FIBCD1: variants seen among roughly 807,000 people sequenced by gnomAD.
The protein encoded by FIBCD1 is fibrinogen C domain containing 1, also known as fibrinogen C domain-containing protein 1.
A neutral mutation model predicts 45.1 loss-of-function variants in FIBCD1; 47 were observed. That is an observed-to-expected ratio of 1.04 (90% CI 0.82 to 1.33). FIBCD1 has a LOEUF of 1.33. Ranked by LOEUF, FIBCD1 falls within the 40% of genes most tolerant of loss-of-function variation. The pLI is 0.00. For synonymous variants in FIBCD1, 313 were observed against 308.1 expected (o/e 1.02, Z -0.17); for missense variants, 653 against 682.2 (o/e 0.96, Z 0.48).
At chr9:130,914,766 C>T (rs1324896256) in intron 4 of FIBCD1, among the ~76,000 whole-genome samples, 1 of 152,178 alleles carries the variant, frequency 6.6e-6, no homozygotes, top group Non-Finnish European at 1.5e-5. Flanking sequence ...CTGCCATTTA[C>T]GTAACTCGCC....
chr9:130,917,299 G>C (rs57070350), intron 4 of FIBCD1, among the ~76,000 whole-genome samples: 16,263 of 152,228 alleles, frequency 0.11, 1,734 homozygotes, highest in African/African-American at 0.27. Context: ...GACAGACAGA[G>C]AGTGTTTTCT....
chr9:130,917,100 A>G (rs956804198), intron 4 of FIBCD1, among the ~76,000 whole-genome samples: 1 of 151,660 alleles, frequency 6.6e-6, no homozygotes, highest in African/African-American at 2.4e-5. Flanking sequence ...CTCGTCTTAA[A>G]ACAAAACAAA....
chr9:130,909,990 G>T (rs1477622520), intron 5 of FIBCD1, among the ~76,000 whole-genome samples: 1 of 152,240 alleles, frequency 6.6e-6, no homozygotes, highest in East Asian at 1.9e-4. Flanking sequence ...CGCTCTCGGC[G>T]CCTCCTCTGC....
intron 1 of FIBCD1, among the ~76,000 whole-genome samples, chr9:130,934,583 G>A (rs907479648): frequency 3.9e-5 from 6 of 152,160 alleles, no homozygotes; most frequent in Non-Finnish European, 5.9e-5. Flanking sequence ...AACCACGGAG[G>A]GGGCTTCTCC....
chr9:130,914,571 C>T (rs529712471), intron 4 of FIBCD1, among the ~76,000 whole-genome samples: 4 of 152,334 alleles, frequency 2.6e-5, no homozygotes, highest in African/African-American at 9.6e-5. Context: ...AGCCAGTGGG[C>T]GTGCCCAACC....
At chr9:130,919,642 C>T (rs971875930) in intron 4 of FIBCD1, among the ~76,000 whole-genome samples, 3 of 152,102 alleles carry the variant, frequency 2.0e-5, no homozygotes, top group African/African-American at 7.2e-5. Flanking sequence ...TGTGGGGGCT[C>T]CTTTCCAGGG....
At chr9:130,932,977 T>C (rs1401610391) in intron 1 of FIBCD1, among the ~76,000 whole-genome samples, 1 of 152,096 alleles carries the variant, frequency 6.6e-6, no homozygotes, top group Non-Finnish European at 1.5e-5. Flanking sequence ...GGGGCTGGCG[T>C]GGCAGAGAGG....
At chr9:130,917,600 C>T (rs1358465023) in intron 4 of FIBCD1, among the ~76,000 whole-genome samples, 5 of 152,226 alleles carry the variant, frequency 3.3e-5, no homozygotes, top group Non-Finnish European at 7.3e-5. Context: ...TTGCATCCCG[C>T]CCAGGGCTGC....
intron 5 of FIBCD1, among the ~76,000 whole-genome samples, chr9:130,910,174 A>T (rs1348975019): frequency 6.6e-6 from 1 of 152,156 alleles, no homozygotes; most frequent in East Asian, 1.9e-4. Flanking sequence ...GGCCAGCTGG[A>T]GTTCCAGGTG....
chr9:130,911,072 C>A (rs886110286), intron 5 of FIBCD1, among the ~76,000 whole-genome samples: 1 of 152,168 alleles, frequency 6.6e-6, no homozygotes, highest in African/African-American at 2.4e-5. Context: ...CAGCCAGCCT[C>A]GGCAACCCGC....
chr9:130,918,983 GA>G (rs1832212782), intron 4 of FIBCD1, among the ~76,000 whole-genome samples: 1 of 152,220 alleles, frequency 6.6e-6, no homozygotes, highest in South Asian at 2.1e-4. Flanking sequence ...AGCCCAGAAG[GA>G]AATCGGACCC....
intron 1 of FIBCD1, chr9:130,937,898 G>C (rs1832544474): frequency 6.5e-6 from 1 of 152,684 alleles, no homozygotes; most frequent in South Asian, 2.1e-4. Context: ...GTCAGCCCTG[G>C]AGCACACAGA....
chr9:130,912,416 A>AG (rs1832073579), intron 4 of FIBCD1, among the ~76,000 whole-genome samples: 3 of 112,584 alleles, frequency 2.7e-5, no homozygotes, highest in Admixed American at 9.8e-5. Flanking sequence ...AAAAAAAAAA[A>AG]GTGGGGTGGG....
chr9:130,934,696 G>A (rs1018624430), intron 1 of FIBCD1, among the ~76,000 whole-genome samples: 22 of 152,204 alleles, frequency 1.4e-4, no homozygotes, highest in East Asian at 5.8e-4. Flanking sequence ...CCAAACCAGC[G>A]TCTCTCCACC....
chr9:130,926,771 GA>G lies in FIBCD1; in HGVS notation c.553-2376del, dbSNP rs1474189796. Among the ~76,000 whole-genome samples, 1 of 152,098 alleles carries G rather than the reference GA, an allele frequency of 6.6e-6. No individual in the cohort carries two copies. Among genetic ancestry groups the G allele is most frequent in the African/African-American group, 2.4e-5 (1 of 41,416 alleles). ...TGGGAGGCGGAGGTTGCAGTGAGCC[GA>G]GATTGAACCACTGCACTCCAGCTGG... On this transcript the variant is annotated intron_variant, in intron 2 of 6. Coordinates refer to ENST00000372338, the MANE Select transcript of FIBCD1 (RefSeq NM_032843.5). The surrounding 1 kb of genome is among the most constrained non-coding windows in gnomAD (Gnocchi z 4.1).
rs1401755367 is a variant in FIBCD1 at position 130,903,404 on chromosome 9, G to A, written c.*660C>T. On this transcript the variant is annotated 3_prime_UTR_variant, in exon 7 of 7. Coordinates refer to ENST00000372338, the MANE Select transcript of FIBCD1 (RefSeq NM_032843.5). ...GACCCCAGGCCTGCCGGGGCACAGGGTGGGTGGCCTCCAGGGAACTGGTCT... is the reference window on the plus strand; with the variant it reads ...GACCCCAGGCCTGCCGGGGCACAGGATGGGTGGCCTCCAGGGAACTGGTCT... 1 of 158,186 alleles carries A rather than the reference G, an allele frequency of 6.3e-6. No homozygotes were observed. The highest frequency in any genetic ancestry group is 1.4e-5 in the Non-Finnish European group (1 of 71,744). 9.8% of individuals were successfully genotyped at this position (158,186 alleles called of 1,614,324 possible). A position where few individuals can be genotyped will look rare whatever the true frequency, so the allele number is the denominator to read the frequency against.
intron 4 of FIBCD1, among the ~76,000 whole-genome samples, chr9:130,915,068 C>T (rs1167184315): frequency 3.3e-5 from 5 of 152,246 alleles, no homozygotes; most frequent in South Asian, 2.1e-4. Context: ...TTGCCACCAG[C>T]GCCTGAAGGC....
At chr9:130,914,395 A>T (rs1020041981) in intron 4 of FIBCD1, among the ~76,000 whole-genome samples, 9 of 152,220 alleles carry the variant, frequency 5.9e-5, no homozygotes, top group Admixed American at 3.3e-4. Context: ...AGGGGACCCC[A>T]ACCGTGCAAG....
At chr9:130,919,104 C>A (rs10124765) in intron 4 of FIBCD1, among the ~76,000 whole-genome samples, 1 of 152,042 alleles carries the variant, frequency 6.6e-6, no homozygotes, top group Non-Finnish European at 1.5e-5. Flanking sequence ...GCCAAGCTGC[C>A]GTTTCTCGGG....
Sources: gnomAD v4.1 joint callset for allele counts (sites outside exome capture counted in the v4.1 genomes callset) on GRCh38, gnomAD v4.1.1 for gene constraint, Gnocchi (gnomAD v3.1) non-coding constraint, MANE v1.5 for transcripts, NCBI Gene and HGNC (gene_info 2026-07-23, HGNC 2026-07-21) for gene names.